The following ZC2HC1C variants were observed in gnomAD, a reference collection of about 807,000 sequenced individuals.
The protein encoded by ZC2HC1C is zinc finger C2HC domain-containing protein 1C.
A neutral mutation model predicts 39.2 loss-of-function variants in ZC2HC1C; 25 were observed. The ratio of observed to expected loss-of-function variants is 0.64; its 90% CI spans 0.47 to 0.89. The LOEUF is 0.89. Ranked by LOEUF, ZC2HC1C falls within the 40% of genes least tolerant of loss-of-function variation. The pLI, the probability that ZC2HC1C is intolerant of heterozygous loss-of-function variation, is 0.00. For synonymous variants in ZC2HC1C, 209 were observed against 214.4 expected (o/e 0.97, Z 0.22); for missense variants, 519 against 548.6 (o/e 0.95, Z 0.54).
At chr14:75,076,918 A>G (rs1417059716) in intron 2 of ZC2HC1C, among the ~76,000 whole-genome samples, 3 of 152,170 alleles carry the variant, frequency 2.0e-5, no homozygotes, top group Non-Finnish European at 4.4e-5. Flanking sequence ...TCTTTTAATT[A>G]GCGTTTCCCA....
intron 2 of ZC2HC1C, among the ~76,000 whole-genome samples, chr14:75,077,310 C>G (rs916588419): frequency 1.3e-5 from 2 of 152,164 alleles, no homozygotes; most frequent in African/African-American, 4.8e-5. Flanking sequence ...CACTGAACCT[C>G]TCAGGTTCTG....
rs771189108 is a variant in ZC2HC1C at position 75,071,300 on chromosome 14, G to A, written c.727G>A (p.Glu243Lys). 2.5e-6 allele frequency: 4 copies of A among 1,614,178 alleles called. No individual in the cohort carries two copies. The Admixed American group carries it at 6.7e-5, about 27-fold the overall frequency. The change falls in exon 2 of 3, where the codon GAG becomes AAG. Residue 243 changes from glutamate (E) to lysine (K), a missense_variant. Transcript: ENST00000524913. ...LLRGKLKKTE[E>K]ELRRIQTQKE... The stretch of plus-strand genomic sequence containing the variant: ...GAGGGGAAAGCTGAAGAAGACAGAG[G>A]AGGAACTCAGAAGGATCCAGACGCA...
chr14:75,071,248 G>A lies in ZC2HC1C; in HGVS notation c.675G>A (p.Glu225=), dbSNP rs780843003. 8 of 1,614,038 alleles carry A rather than the reference G, an allele frequency of 5.0e-6. No individual in the cohort carries two copies. In the East Asian group the frequency reaches 1.6e-4, roughly 31 times the overall value. The change falls in exon 2 of 3, where the codon GAG becomes GAA. Residue 225 remains glutamate, a synonymous_variant. Coordinates refer to ENST00000524913, the MANE Select transcript of ZC2HC1C (RefSeq NM_024643.4). ...RLEAAGESLE[E]EIRRKQILLR... is the part of the protein sequence containing the mutation. ...AAGCTGCAGGGGAGAGCTTAGAGGA[G>A]GAAATCCGAAGAAAGCAGATTCTCC...
chr14:75,079,423 C>T lies in ZC2HC1C; in HGVS notation c.*1859C>T, dbSNP rs980885666. On this transcript the variant is annotated 3_prime_UTR_variant, in exon 3 of 3. Transcript: ENST00000524913. ...CATAATAAAGCTTTATGGTTAGCCC[C>T]TTAAGGAAACCTCACACAGAGATAA... The T allele has an allele frequency of 1.3e-5, 2 of 152,122 alleles. No individual in the cohort carries two copies. Among genetic ancestry groups the T allele is most frequent in the African/African-American group, 4.8e-5 (2 of 41,422 alleles). The allele number at this position is 152,122 out of a possible 1,614,324, so 9.4% of individuals were successfully genotyped here. A position where few individuals can be genotyped will look rare whatever the true frequency, so the allele number is the denominator to read the frequency against.
rs746495959 is a variant in ZC2HC1C at position 75,071,070 on chromosome 14, G to A, written c.497G>A (p.Arg166Lys). 5.6e-6 allele frequency: 9 copies of A among 1,614,056 alleles called. No individual in the cohort carries two copies. In the Admixed American group the frequency reaches 1.5e-4, roughly 27 times the overall value. ...GTDGDHNVYP[R>K]PPEPREFSSR... ...GATGGGGACCATAATGTCTACCCAA[G>A]GCCCCCTGAGCCGAGAGAGTTTTCA... The change falls in exon 2 of 3, where the codon AGG (arginine) becomes AAG (lysine). Residue 166 changes from arginine to lysine, a missense_variant. Coordinates refer to ENST00000524913, the MANE Select transcript of ZC2HC1C (RefSeq NM_024643.4).
chr14:75,074,355 CA>C (rs927405964), intron 2 of ZC2HC1C, among the ~76,000 whole-genome samples: 4 of 152,058 alleles, frequency 2.6e-5, no homozygotes, highest in African/African-American at 7.2e-5. Context: ...GCCAGATCAC[CA>C]AGAGCTAGTT....
intron 2 of ZC2HC1C, 89 bp from the exon 3 acceptor site, chr14:75,077,443 C>G: frequency 6.5e-7 from 1 of 1,537,302 alleles, no homozygotes; most frequent in East Asian, 2.2e-5. Flanking sequence ...AGATTAGTAC[C>G]CTTTTCATTT....
At position 75,070,747 on chromosome 14, in the gene ZC2HC1C, G is replaced by A. The variant is rs1243504524; in HGVS notation, c.174G>A (p.Leu58=). The stretch of plus-strand genomic sequence containing the variant: ...GGAACAATTTCCAGAAGCAGCTTTT[G>A]AGCAACAAAGAGTTGATTCTGGATA... ...HLRNNFQKQL[L]SNKELILDKV... is the part of the protein sequence containing the mutation. The change falls in exon 2 of 3, where the codon TTG becomes TTA. Residue 58 remains leucine, a synonymous_variant. Transcript: ENST00000524913. 2 of 1,614,028 alleles carry A rather than the reference G, an allele frequency of 1.2e-6. No individual in the cohort carries two copies. The highest frequency in any genetic ancestry group is 4.5e-5 in the East Asian group (2 of 44,900).
Position 75,070,874 on chromosome 14 carries a change from C to G in ZC2HC1C, c.301C>G (p.Gln101Glu), listed in dbSNP as rs375041191. The G allele has an allele frequency of 2.8e-5, 45 of 1,614,124 alleles. No individual in the cohort carries two copies. The highest frequency in any genetic ancestry group is 3.6e-5 in the Non-Finnish European group (43 of 1,180,048). ...CCAGCAAGATCCAGAAAGTGATTCC[C>G]AGGGCCAAGGAAATGGTTTGTTTTA... ...ISQQDPESDS[Q>E]GQGNGLFYSS... is the part of the protein sequence containing the mutation. The change falls in exon 2 of 3, where the codon CAG becomes GAG. Residue 101 changes from glutamine (Q) to glutamate (E), a missense_variant. Physicochemically the swap from Gln to Glu is conservative, Grantham distance 29. Transcript: ENST00000524913.
At position 75,070,580 on chromosome 14, in the gene ZC2HC1C, G is replaced by A; in HGVS notation, c.7G>A (p.Gly3Ser). The change falls in exon 2 of 3, where the codon GGT (glycine) becomes AGT (serine). Residue 3 changes from glycine to serine, a missense_variant. Physicochemically the swap from Gly to Ser is moderately conservative, Grantham distance 56. Transcript: ENST00000524913. Reference protein sequence around the residue: MAGLQRLASHLPV... With the variant: MASLQRLASHLPV... Reference sequence around the variant, plus strand: ...GCGTCAGTCCAGGCCCTGAATGGCTGGTCTCCAGCGGTTGGCGTCACATCT... The same window carrying A: ...GCGTCAGTCCAGGCCCTGAATGGCTAGTCTCCAGCGGTTGGCGTCACATCT... 3 of 1,608,294 alleles carry A rather than the reference G, an allele frequency of 1.9e-6. No homozygotes were observed. Among genetic ancestry groups the A allele is most frequent in the African/African-American group, 1.3e-5 (1 of 74,896 alleles).
Position 75,070,976 on chromosome 14 carries a change from G to C in ZC2HC1C, c.403G>C (p.Val135Leu). ...FIPFTKKRVGVDRAFPLKPMV... is the reference protein window; with the variant it reads ...FIPFTKKRVGLDRAFPLKPMV... The stretch of plus-strand genomic sequence containing the variant: ...CCCCTTTACAAAGAAACGAGTTGGA[G>C]TGGACCGGGCGTTCCCATTGAAACC... Residue 135 changes from valine to leucine, a missense_variant, in exon 2 of 3, where the codon GTG (valine) becomes CTG (leucine). Val to Leu is a conservative substitution (Grantham distance 32). Coordinates refer to ENST00000524913, the MANE Select transcript of ZC2HC1C (RefSeq NM_024643.4). 1 of 1,614,186 alleles carries C rather than the reference G, an allele frequency of 6.2e-7. No individual in the cohort carries two copies. Among genetic ancestry groups the C allele is most frequent in the Non-Finnish European group, 8.5e-7 (1 of 1,180,048 alleles).
intron 2 of ZC2HC1C, 99 bp downstream of exon 2, chr14:75,072,010 A>C: frequency 1.4e-6 from 2 of 1,470,908 alleles, no homozygotes; most frequent in Non-Finnish European, 1.8e-6. Context: ...TGTGTCATGT[A>C]GGAAGAATTG....
At position 75,079,051 on chromosome 14, in the gene ZC2HC1C, A is replaced by G. The variant is rs942258635; in HGVS notation, c.*1487A>G. On this transcript the variant is annotated 3_prime_UTR_variant, in exon 3 of 3. Transcript: ENST00000524913. Reference sequence around the variant, plus strand: ...AATCTTAGGATTACTGTTCTGTATTACTCAAATTGTTAGTTTAAAATACTG... The same window carrying G: ...AATCTTAGGATTACTGTTCTGTATTGCTCAAATTGTTAGTTTAAAATACTG... 6.6e-6 allele frequency: 1 copy of G among 152,094 alleles called. No individual in the cohort carries two copies. The highest frequency in any genetic ancestry group is 2.4e-5 in the African/African-American group (1 of 41,386). 9.4% of individuals were successfully genotyped at this position (152,094 alleles called of 1,614,324 possible). A position where few individuals can be genotyped will look rare whatever the true frequency, so the allele number is the denominator to read the frequency against.
rs11546525 is a variant in ZC2HC1C at position 75,070,678 on chromosome 14, C to G, written c.105C>G (p.Tyr35Ter). The change falls in exon 2 of 3, where the codon TAC (tyrosine) becomes TAG (stop). Residue 35 changes from tyrosine (Y) to a stop codon, truncating the protein, a stop_gained. Coordinates refer to ENST00000524913, the MANE Select transcript of ZC2HC1C (RefSeq NM_024643.4). LOFTEE classifies it high-confidence loss of function. ...PGPHSAKQDS[Y>*]EQGDSSQQSL... ...CCCACTCAGCCAAGCAAGACTCTTA[C>G]GAACAAGGTGACTCTTCCCAGCAGT... The G allele has an allele frequency of 1.9e-6, 3 of 1,613,998 alleles. No individual in the cohort carries two copies. The highest frequency in any genetic ancestry group is 2.2e-5 in the East Asian group (1 of 44,866).
chr14:75,074,299 T>C (rs1313368635), intron 2 of ZC2HC1C, among the ~76,000 whole-genome samples: 1 of 152,240 alleles, frequency 6.6e-6, no homozygotes, highest in Non-Finnish European at 1.5e-5. Flanking sequence ...AAGGATCCTT[T>C]CTTTTCCTTT....
At chr14:75,072,377 A>G (rs568051103) in intron 2 of ZC2HC1C, among the ~76,000 whole-genome samples, 1 of 152,370 alleles carries the variant, frequency 6.6e-6, no homozygotes, top group East Asian at 1.9e-4. Flanking sequence ...TCCCAAGACT[A>G]GGATCTGTGA....
At position 75,073,495 on chromosome 14, in the gene ZC2HC1C, G is replaced by C. The variant is rs1434340055; in HGVS notation, c.1338+1584G>C. 9 of 991,666 alleles carry C rather than the reference G, an allele frequency of 9.1e-6. No homozygotes were observed. In the East Asian group the frequency reaches 4.9e-4, roughly 54 times the overall value. The allele number at this position is 991,666 out of a possible 1,614,324, so 61.4% of individuals were successfully genotyped here. ...AGTTTGTGGGAATGTGTGACATTGA[G>C]GACACCAAGACAGAAGGGACCTAGA... is the stretch of plus-strand genomic sequence containing the variant. On this transcript the variant is annotated intron_variant, in intron 2 of 2. Transcript: ENST00000524913.
chr14:75,072,672 T>C (rs1238285252), intron 2 of ZC2HC1C, among the ~76,000 whole-genome samples: 1 of 152,212 alleles, frequency 6.6e-6, no homozygotes, highest in African/African-American at 2.4e-5. Context: ...CTGGAGAAGA[T>C]TGTCTCATAA....
chr14:75,073,528 G>T, intron 2 of ZC2HC1C: 1 of 1,266,092 alleles, frequency 7.9e-7, no homozygotes, highest in Middle Eastern at 2.2e-4. Flanking sequence ...AGACTAAGAT[G>T]CACCTGCACC....
Sources: allele counts gnomAD v4.1 joint callset (sites outside exome capture counted in the v4.1 genomes callset), GRCh38; gene constraint gnomAD v4.1.1; transcripts MANE v1.5; gene names NCBI Gene and HGNC (gene_info 2026-07-23, HGNC 2026-07-21).